Variants in ZNF385B observed in about 807,000 individuals in gnomAD.
The protein encoded by ZNF385B is zinc finger protein 385B, also known as zinc finger protein 533.
A neutral mutation model predicts 39.2 loss-of-function variants in ZNF385B; 23 were observed. The observed-to-expected ratio is 0.59, with a 90% confidence interval of 0.42 to 0.83. ZNF385B has a LOEUF of 0.83. ZNF385B is among the 40% of genes least tolerant of loss of function. The probability of loss-of-function intolerance (pLI) is 0.00; values close to 1 mark genes in which losing one functional copy is unlikely to be tolerated. For synonymous variants in ZNF385B, 205 were observed against 222.6 expected (o/e 0.92, Z 0.70); for missense variants, 552 against 598.9 (o/e 0.92, Z 0.82).
At chr2:179,483,239 C>T (rs201860809) in intron 6 of ZNF385B, 33 bp downstream of exon 6, 142 of 1,611,040 alleles carry the variant, frequency 8.8e-5, no homozygotes, top group Middle Eastern at 8.3e-4. Flanking sequence ...AGGAGAAACA[C>T]AAAGAATGTA....
intron 1 of ZNF385B, among the ~76,000 whole-genome samples, chr2:179,797,956 C>A (rs1359809278): frequency 2.0e-5 from 3 of 152,046 alleles, no homozygotes; most frequent in Non-Finnish European, 2.9e-5. Context: ...GTCATCAATT[C>A]TTGATTATCC....
intron 4 of ZNF385B, among the ~76,000 whole-genome samples, chr2:179,523,667 G>A (rs998330990): frequency 6.6e-6 from 1 of 152,082 alleles, no homozygotes; most frequent in Non-Finnish European, 1.5e-5. Flanking sequence ...TGAAATTTGA[G>A]TTCTATTCTT....
At chr2:179,746,043 G>C in intron 3 of ZNF385B, 1 of 1,074,498 alleles carries the variant, frequency 9.3e-7, no homozygotes, top group African/African-American at 1.7e-5. Context: ...CAGAAGCACT[G>C]TCAATGTACA....
Position 179,445,583 on chromosome 2 carries a change from A to C in ZNF385B, c.1107T>G (p.Asp369Glu). 6.2e-7 allele frequency: 1 copy of C among 1,612,050 alleles called. No individual in the cohort carries two copies. The highest frequency in any genetic ancestry group is 1.7e-5 in the Admixed American group (1 of 59,438). ...GTTGAATTTCTGAATTAACATGAAC[A>C]TCACAGATTTCACAATGAAATGTCT... ...QNKTFHCEIC[D>E]VHVNSEIQLK... The change falls in exon 8 of 10, where the codon GAT becomes GAG. Residue 369 changes from aspartate to glutamate, a missense_variant. Asp to Glu is a conservative substitution (Grantham distance 45, BLOSUM62 2). Transcript: ENST00000410066.
chr2:179,607,037 T>C lies in ZNF385B; in HGVS notation c.299-62068A>G, dbSNP rs573709452. 2.6e-5 allele frequency among the ~76,000 whole-genome samples: 4 copies of C among 152,248 alleles called. No individual in the cohort carries two copies. In the South Asian group the frequency reaches 8.3e-4, roughly 32 times the overall value. Reference sequence around the variant, plus strand: ...GCTTATCTGGATTTATCGATCCAGATTATTTGGTTACGTCTGGACCTGATT... The same window carrying C: ...GCTTATCTGGATTTATCGATCCAGACTATTTGGTTACGTCTGGACCTGATT... On this transcript the variant is annotated intron_variant, in intron 3 of 9. Transcript: ENST00000410066.
chr2:179,781,185 C>T (rs1704643550), intron 1 of ZNF385B, among the ~76,000 whole-genome samples: 1 of 152,042 alleles, frequency 6.6e-6, no homozygotes, highest in Non-Finnish European at 1.5e-5. Context: ...CCAAGAATAG[C>T]CAGGGCAATT....
chr2:179,537,003 A>C (rs1221157657), intron 4 of ZNF385B, among the ~76,000 whole-genome samples: 3 of 152,100 alleles, frequency 2.0e-5, no homozygotes, highest in Non-Finnish European at 4.4e-5. Context: ...GTTTAAAAGG[A>C]CATGTAGTTT....
intron 3 of ZNF385B, among the ~76,000 whole-genome samples, chr2:179,549,052 T>C (rs2060407488): frequency 6.7e-6 from 1 of 149,580 alleles, no homozygotes. Flanking sequence ...TTAAATGAAA[T>C]CATATAATGT....
intron 3 of ZNF385B, chr2:179,562,322 C>A: frequency 5.6e-6 from 5 of 897,490 alleles, no homozygotes; most frequent in Non-Finnish European, 6.7e-6. Flanking sequence ...ATTCATTTGA[C>A]CTGTTTTATA....
At chr2:179,569,128 C>T (rs966922573) in intron 3 of ZNF385B, among the ~76,000 whole-genome samples, 2 of 152,122 alleles carry the variant, frequency 1.3e-5, no homozygotes, top group African/African-American at 4.8e-5. Flanking sequence ...CACAGAAAGA[C>T]AAAATATCTT....
intron 6 of ZNF385B, 110 bp from the exon 7 acceptor site, chr2:179,446,880 A>T (rs1163507718): frequency 5.1e-6 from 7 of 1,370,498 alleles, no homozygotes; most frequent in Non-Finnish European, 5.9e-6. Context: ...TGAAGTTTTT[A>T]TTGCAGCATA....
chr2:179,485,006 T>C (rs1254781569), intron 5 of ZNF385B, among the ~76,000 whole-genome samples: 1 of 152,070 alleles, frequency 6.6e-6, no homozygotes, highest in African/African-American at 2.4e-5. Context: ...GGAAACTAGA[T>C]GTGTAGTTAT....
At chr2:179,786,843 C>A (rs1705035351) in intron 1 of ZNF385B, among the ~76,000 whole-genome samples, 1 of 151,820 alleles carries the variant, frequency 6.6e-6, no homozygotes, top group Non-Finnish European at 1.5e-5. Context: ...ATATATATTG[C>A]CAATTTGATC....
At chr2:179,839,333 C>T (rs927326849) in intron 1 of ZNF385B, among the ~76,000 whole-genome samples, 1 of 152,180 alleles carries the variant, frequency 6.6e-6, no homozygotes, top group African/African-American at 2.4e-5. Flanking sequence ...CCACCACTCA[C>T]ACCAACTTGG....
chr2:179,829,201 A>C (rs1448760472), intron 1 of ZNF385B, among the ~76,000 whole-genome samples: 1 of 152,178 alleles, frequency 6.6e-6, no homozygotes, highest in Non-Finnish European at 1.5e-5. Context: ...AAACAATTTT[A>C]TGTTCTAATA....
intron 4 of ZNF385B, among the ~76,000 whole-genome samples, chr2:179,541,872 C>T (rs957589760): frequency 1.3e-5 from 2 of 152,016 alleles, no homozygotes; most frequent in Non-Finnish European, 2.9e-5. Context: ...TGATATGGGC[C>T]AAAAGACTCA....
At chr2:179,665,989 T>C (rs1230982916) in intron 3 of ZNF385B, among the ~76,000 whole-genome samples, 35 of 152,214 alleles carry the variant, frequency 2.3e-4, no homozygotes, top group Admixed American at 2.1e-3. Context: ...GGAATGTGTT[T>C]TTCCTAGTTT....
intron 5 of ZNF385B, among the ~76,000 whole-genome samples, chr2:179,494,764 C>T (rs2056014715): frequency 1.3e-5 from 2 of 152,032 alleles, no homozygotes; most frequent in South Asian, 4.1e-4. Context: ...CAAATGTATA[C>T]ATATATGTGT....
intron 4 of ZNF385B, among the ~76,000 whole-genome samples, chr2:179,523,294 A>AT (rs1337607468): frequency 4.6e-5 from 7 of 151,410 alleles, no homozygotes; most frequent in African/African-American, 1.7e-4. Context: ...CAAAATAAGA[A>AT]CAATTTTTTT....
Sources: allele counts gnomAD v4.1 joint callset (sites outside exome capture counted in the v4.1 genomes callset), GRCh38; gene constraint gnomAD v4.1.1; transcripts MANE v1.5; gene names NCBI Gene and HGNC (gene_info 2026-07-23, HGNC 2026-07-21).